Variants in TSG101 observed in about 807,000 individuals in gnomAD.
The protein encoded by TSG101 is tumor susceptibility 101.
In TSG101, 19 loss-of-function variants were observed where a neutral mutation model predicts 48.5. The ratio of observed to expected loss-of-function variants is 0.39; its 90% confidence interval spans 0.27 to 0.58. The LOEUF is 0.58. TSG101 is among the 20% of genes least tolerant of loss of function. TSG101 has a pLI of 0.55. For synonymous variants in TSG101, 174 were observed against 169.4 expected (o/e 1.03, Z -0.21); for missense variants, 365 against 484.4 (o/e 0.75, Z 2.31).
chr11:18,487,913 ATTT>A (rs1213817221), intron 7 of TSG101, among the ~76,000 whole-genome samples: 5 of 151,966 alleles, frequency 3.3e-5, no homozygotes, highest in Admixed American at 3.3e-4. Flanking sequence ...AACTGATAAA[ATTT>A]TTATTTCACT....
At chr11:18,487,745 T>C (rs1408184215) in intron 7 of TSG101, among the ~76,000 whole-genome samples, 1 of 152,234 alleles carries the variant, frequency 6.6e-6, no homozygotes, top group Non-Finnish European at 1.5e-5. Flanking sequence ...CTATAATTCC[T>C]GGTTTGTAAC....
chr11:18,486,065 A>C (rs181164169), intron 7 of TSG101, among the ~76,000 whole-genome samples: 1 of 152,366 alleles, frequency 6.6e-6, no homozygotes, highest in Non-Finnish European at 1.5e-5. Flanking sequence ...AGCCTGTAAG[A>C]AGCCGCAGGA....
intron 7 of TSG101, among the ~76,000 whole-genome samples, chr11:18,486,312 TGAGG>T (rs1458541670): frequency 3.3e-5 from 5 of 152,352 alleles, no homozygotes; most frequent in African/African-American, 1.2e-4. Flanking sequence ...GTAGCATGGC[TGAGG>T]GAGGCCCAGG....
intron 7 of TSG101, among the ~76,000 whole-genome samples, chr11:18,499,533 C>T (rs1849854562): frequency 6.9e-6 from 1 of 144,914 alleles, no homozygotes; most frequent in Non-Finnish European, 1.5e-5. Context: ...GCCTCAGCTT[C>T]TTGAGTAGCT....
Position 18,480,612 on chromosome 11 carries a change from T to C in TSG101, c.1107A>G (p.Lys369=). Residue 369 remains lysine, a synonymous_variant, in exon 10 of 10, where the codon AAA becomes AAG. Transcript: ENST00000251968. The stretch of plus-strand genomic sequence containing the variant: ...GCATTAGTGCCCTCAGCTGGAACTG[T>C]TTACGGGACAGAAGACGTACATGCT... The part of the protein sequence containing the change: ...FLKHVRLLSR[K]QFQLRALMQK... 6.2e-7 allele frequency: 1 copy of C among 1,613,912 alleles called. No homozygotes were observed. Among genetic ancestry groups the C allele is most frequent in the Non-Finnish European group, 8.5e-7 (1 of 1,179,926 alleles).
At chr11:18,509,929 T>C (rs1265551728) in intron 4 of TSG101, among the ~76,000 whole-genome samples, 1 of 152,210 alleles carries the variant, frequency 6.6e-6, no homozygotes, top group African/African-American at 2.4e-5. Context: ...TTGTTCTTCA[T>C]TTGACTCCAC....
chr11:18,496,236 G>C (rs961876266), intron 7 of TSG101, among the ~76,000 whole-genome samples: 2 of 152,050 alleles, frequency 1.3e-5, no homozygotes, highest in African/African-American at 4.8e-5. Flanking sequence ...GGCCGAGGCA[G>C]GTGGATCACC....
intron 7 of TSG101, among the ~76,000 whole-genome samples, chr11:18,496,442 A>AAAAATAAAATAAAAT (rs201480350): frequency 6.3e-4 from 69 of 110,186 alleles, no homozygotes; most frequent in Middle Eastern, 8.2e-3. Flanking sequence ...ACTCTGTCTC[A>AAAAATAAAATAAAAT]AAAATAAAAT....
In TSG101 at chr11:18,519,437, C is replaced by G; in HGVS notation, c.127+82G>C. 4 of 1,221,604 alleles carry G rather than the reference C, an allele frequency of 3.3e-6. No homozygotes were observed. In the South Asian group the frequency reaches 4.1e-5, roughly 12 times the overall value. The allele number at this position is 1,221,604 out of a possible 1,614,324, so 75.7% of individuals were successfully genotyped here. A position where few individuals can be genotyped will look rare whatever the true frequency, so the allele number is the denominator to read the frequency against. ...TCCCACAATTGAAAAATCCACAAAC[C>G]TCAAATGGAAAAAATTACAATCATT... On this transcript the variant is annotated intron_variant, in intron 2 of 9. Coordinates refer to ENST00000251968, the MANE Select transcript of TSG101 (RefSeq NM_006292.4).
intron 1 of TSG101, among the ~76,000 whole-genome samples, chr11:18,524,312 C>G (rs755954629): frequency 6.6e-6 from 1 of 151,972 alleles, no homozygotes; most frequent in Non-Finnish European, 1.5e-5. Context: ...AGATAATGCT[C>G]AAGGGAAAAA....
chr11:18,517,098 G>A (rs1255151024), intron 2 of TSG101, among the ~76,000 whole-genome samples: 1 of 151,896 alleles, frequency 6.6e-6, no homozygotes, highest in Admixed American at 6.6e-5. Context: ...ATGTTGTGCA[G>A]GCTATCCTCA....
chr11:18,481,506 G>GT (rs886455277), intron 9 of TSG101, 124 bp downstream of exon 9: 14 of 1,467,078 alleles, frequency 9.5e-6, no homozygotes, highest in South Asian at 4.4e-5. Flanking sequence ...CTCATTTAGT[G>GT]TTTTTTGGGA....
At chr11:18,481,406 G>C in intron 9 of TSG101, 2 of 1,327,990 alleles carry the variant, frequency 1.5e-6, no homozygotes, top group Non-Finnish European at 1.9e-6. Context: ...CCTGTGGGCA[G>C]AGAACTGCAG....
At chr11:18,506,951 A>T in intron 5 of TSG101, 28 bp from the exon 6 acceptor site, 2 of 1,589,008 alleles carry the variant, frequency 1.3e-6, no homozygotes, top group Non-Finnish European at 1.7e-6. Context: ...CACATTGTAA[A>T]AATAATATAC....
intron 4 of TSG101, among the ~76,000 whole-genome samples, chr11:18,510,765 C>T (rs1565092155): frequency 6.6e-6 from 1 of 151,844 alleles, no homozygotes; most frequent in South Asian, 2.1e-4. Flanking sequence ...CTGGTCTCTA[C>T]AAAAAAATTA....
chr11:18,525,373 C>T (rs527719825), intron 1 of TSG101, among the ~76,000 whole-genome samples: 5 of 151,706 alleles, frequency 3.3e-5, no homozygotes, highest in African/African-American at 7.2e-5. Flanking sequence ...GGTGAAATCC[C>T]GTCTCTACTA....
chr11:18,490,796 G>T, intron 7 of TSG101: 3 of 529,202 alleles, frequency 5.7e-6, no homozygotes, highest in South Asian at 3.1e-5. Context: ...AAAGCAGCGG[G>T]CACCAACCAT....
At chr11:18,520,750 C>T (rs576668153) in intron 1 of TSG101, among the ~76,000 whole-genome samples, 2 of 152,162 alleles carry the variant, frequency 1.3e-5, no homozygotes, top group South Asian at 2.1e-4. Flanking sequence ...ACAAAATTTC[C>T]GGCCAGGCGT....
At chr11:18,509,353 G>A (rs1850031754) in intron 5 of TSG101, among the ~76,000 whole-genome samples, 189 bp downstream of exon 5, 1 of 152,152 alleles carries the variant, frequency 6.6e-6, no homozygotes, top group South Asian at 2.1e-4. Flanking sequence ...CCTACAAATG[G>A]AAGCCCAAAT....
Sources: gnomAD v4.1 joint callset for allele counts (sites outside exome capture counted in the v4.1 genomes callset) on GRCh38, gnomAD v4.1.1 for gene constraint, MANE v1.5 for transcripts, NCBI Gene and HGNC (gene_info 2026-07-23, HGNC 2026-07-21) for gene names.